The following PCYT2 variants were observed in gnomAD, a reference collection of about 807,000 sequenced individuals.
The protein encoded by PCYT2 is ethanolamine-phosphate cytidylyltransferase.
A neutral mutation model predicts 50.0 loss-of-function variants in PCYT2; 33 were observed. The observed-to-expected ratio is 0.66, with a 90% CI of 0.50 to 0.88. The LOEUF is 0.88. Among genes scored for constraint, PCYT2 ranks in the 40% least tolerant of loss-of-function variants. The pLI, the probability that PCYT2 is intolerant of heterozygous loss-of-function variation, is 0.00. For missense variants in PCYT2, 430 were observed against 519.7 expected, an observed-to-expected ratio of 0.83 and a Z score of 1.68; for synonymous variants, 240 against 203.7, an observed-to-expected ratio of 1.18 and a Z score of -1.52.
chr17:81,909,217 G>A (rs1202570747), intron 2 of PCYT2, 180 bp from the exon 3 acceptor site: 2 of 1,434,688 alleles, frequency 1.4e-6, no homozygotes, highest in East Asian at 2.5e-5. Context: ...CCCTGCGAGG[G>A]TCTCAGGCAA....
chr17:81,909,283 C>G, intron 2 of PCYT2: 8 of 1,429,766 alleles, frequency 5.6e-6, no homozygotes, highest in Non-Finnish European at 7.3e-6. Flanking sequence ...TTGGGAGCCT[C>G]GCTGGCAGTG....
chr17:81,902,163 C>A lies in PCYT2; in HGVS notation c.*2670G>T. ...CGCCCGCTGCACCCCAGCCCGCCCGCCGCCCCTCCCGGCCCTCCGCAGCCT... is the reference window on the plus strand; with the variant it reads ...CGCCCGCTGCACCCCAGCCCGCCCGACGCCCCTCCCGGCCCTCCGCAGCCT... On this transcript the variant is annotated 3_prime_UTR_variant, in exon 13 of 13. Coordinates refer to ENST00000538936, the MANE Select transcript of PCYT2 (RefSeq NM_002861.5). 1 of 1,020,076 alleles carries A rather than the reference C, an allele frequency of 9.8e-7. No individual in the cohort carries two copies. The highest frequency in any genetic ancestry group is 1.2e-6 in the Non-Finnish European group (1 of 808,564). 63.2% of individuals were successfully genotyped at this position (1,020,076 alleles called of 1,614,324 possible). A position where few individuals can be genotyped will look rare whatever the true frequency, so the allele number is the denominator to read the frequency against.
chr17:81,902,888 A>G lies in PCYT2; in HGVS notation c.*1945T>C, dbSNP rs1312807549. Reference sequence around the variant, plus strand: ...CGCAGTTAATGGCAAACGAATAAATAAATGAGGCGGCCTCGGAGTGAGGGG... The same window carrying G: ...CGCAGTTAATGGCAAACGAATAAATGAATGAGGCGGCCTCGGAGTGAGGGG... On this transcript the variant is annotated 3_prime_UTR_variant, in exon 13 of 13. Transcript: ENST00000538936. 5 of 724,688 alleles carry G rather than the reference A, an allele frequency of 6.9e-6. No individual in the cohort carries two copies. The highest frequency in any genetic ancestry group is 1.1e-5 in the Non-Finnish European group (5 of 474,148). The allele number at this position is 724,688 out of a possible 1,614,324, so 44.9% of individuals were successfully genotyped here.
chr17:81,908,511 C>T (rs2040401955), intron 4 of PCYT2, 57 bp downstream of exon 4: 1 of 1,354,914 alleles, frequency 7.4e-7, no homozygotes, highest in East Asian at 2.3e-5. Context: ...AAGCACGAGC[C>T]AGGAGGGAGC....
In PCYT2 at chr17:81,902,398, G is replaced by A; in HGVS notation, c.*2435C>T. 1 of 1,342,782 alleles carries A rather than the reference G, an allele frequency of 7.4e-7. No individual in the cohort carries two copies. The allele number at this position is 1,342,782 out of a possible 1,614,324, so 83.2% of individuals were successfully genotyped here. On this transcript the variant is annotated 3_prime_UTR_variant, in exon 13 of 13. Transcript: ENST00000538936. ...CAGCTCCTACTCGGTGGGCCGCGCC[G>A]CGGGGCTGCTGTCCGGCCTCCGCAG...
chr17:81,910,103 GTC>G (rs987633691), intron 1 of PCYT2, among the ~76,000 whole-genome samples: 2 of 152,334 alleles, frequency 1.3e-5, no homozygotes, highest in South Asian at 2.1e-4. Flanking sequence ...TGAAAATCCT[GTC>G]TCTCCTCCCT....
rs2040200992 is a variant in PCYT2 at position 81,905,400 on chromosome 17, A to G, written c.951T>C (p.Asp317=). The G allele has an allele frequency of 6.4e-7, 1 of 1,562,152 alleles. No homozygotes were observed. Among genetic ancestry groups the G allele is most frequent in the Non-Finnish European group, 8.7e-7 (1 of 1,153,162 alleles). The change falls in exon 11 of 13, where the codon GAT becomes GAC. Residue 317 remains aspartate (D), a synonymous_variant. Coordinates refer to ENST00000538936, the MANE Select transcript of PCYT2 (RefSeq NM_002861.5). ...GACCCACCTGGTATGGGTCGGAGCC[A>G]TCCCTGTCAGGGATAATTTCTGTCT... The part of the protein sequence containing the change: ...HGKTEIIPDR[D]GSDPYQEPKR...
chr17:81,904,792 G>A lies in PCYT2; in HGVS notation c.*41C>T, dbSNP rs1416405976. On this transcript the variant is annotated 3_prime_UTR_variant, in exon 13 of 13. Transcript: ENST00000538936. Reference sequence around the variant, plus strand: ...CCTATGTCCAAACGCAGAAGGCGCAGAAGCAGAGCAGGGGGAGGGCCGGCC... The same window carrying A: ...CCTATGTCCAAACGCAGAAGGCGCAAAAGCAGAGCAGGGGGAGGGCCGGCC... 3 of 1,372,986 alleles carry A rather than the reference G, an allele frequency of 2.2e-6. No homozygotes were observed. The highest frequency in any genetic ancestry group is 2.0e-6 in the Non-Finnish European group (2 of 979,658). The allele number at this position is 1,372,986 out of a possible 1,614,324, so 85.1% of individuals were successfully genotyped here.
At position 81,902,640 on chromosome 17, in the gene PCYT2, C is replaced by T. The variant is rs554383871; in HGVS notation, c.*2193G>A. 11 of 1,600,828 alleles carry T rather than the reference C, an allele frequency of 6.9e-6. No individual in the cohort carries two copies. Among genetic ancestry groups the T allele is most frequent in the African/African-American group, 2.7e-5 (2 of 74,072 alleles). On this transcript the variant is annotated 3_prime_UTR_variant, in exon 13 of 13. Transcript: ENST00000538936. ...CCCAGGCTGTGTGCGTCCAGGACGTCGCCCCAAACCTGCAGAGGTGCGAGC... is the reference window on the plus strand; with the variant it reads ...CCCAGGCTGTGTGCGTCCAGGACGTTGCCCCAAACCTGCAGAGGTGCGAGC...
At chr17:81,907,734 C>G in intron 5 of PCYT2, 39 bp downstream of exon 5, 1 of 1,604,204 alleles carries the variant, frequency 6.2e-7, no homozygotes, top group Non-Finnish European at 8.5e-7. Flanking sequence ...CCCTGGAGAC[C>G]TCGACCCAGG....
chr17:81,906,023 C>A, intron 9 of PCYT2, 77 bp downstream of exon 9: 1 of 1,338,582 alleles, frequency 7.5e-7, no homozygotes, highest in Non-Finnish European at 1.0e-6. Context: ...CCTGCCCTGG[C>A]TCAGGGAGGC....
intron 1 of PCYT2, chr17:81,910,813 G>C (rs1463375350): frequency 2.3e-6 from 2 of 853,912 alleles, no homozygotes; most frequent in Non-Finnish European, 2.8e-6. Context: ...AGGGAAGACC[G>C]ATCGCATTCT....
intron 6 of PCYT2, 46 bp downstream of exon 6, chr17:81,907,508 C>G: frequency 6.4e-7 from 1 of 1,570,482 alleles, no homozygotes; most frequent in Non-Finnish European, 8.7e-7. Context: ...GCCGGGGGAG[C>G]CCCCTGCAGC....
chr17:81,910,904 C>T, intron 1 of PCYT2: 1 of 987,896 alleles, frequency 1.0e-6, no homozygotes. Flanking sequence ...TGCCCACCTA[C>T]AGGGACGCTC....
rs557793462 is a variant in PCYT2, at chr17:81,910,434, G to A, written c.90-832C>T. On this transcript the variant is annotated intron_variant, in intron 1 of 12. Coordinates refer to ENST00000538936, the MANE Select transcript of PCYT2 (RefSeq NM_002861.5). ...TCCCAGCACCCCTGCCACAGTGCGC[G>A]GAGCCCGGCAGACATGCTGGGTAAA... is the stretch of plus-strand genomic sequence containing the variant. Among the ~76,000 whole-genome samples the A allele has an allele frequency of 4.9e-4, 74 of 152,344 alleles. 1 individual carries two copies. In the South Asian group the frequency reaches 0.014, roughly 29 times the overall value.
intron 1 of PCYT2, among the ~76,000 whole-genome samples, chr17:81,910,337 T>C (rs2040517531): frequency 6.6e-6 from 1 of 152,186 alleles, no homozygotes. Flanking sequence ...TGTCCCTGCC[T>C]CTCCAGGGAG....
At position 81,907,778 on chromosome 17, in the gene PCYT2, T is replaced by A; in HGVS notation, c.487A>T (p.Ser163Cys). Residue 163 changes from serine to cysteine, a missense_variant, in exon 5 of 13, where the codon AGC becomes TGC. By Grantham distance (112) the Ser-to-Cys change is moderately radical (BLOSUM62 -1). Transcript: ENST00000538936. ...MLLVTKAHHS[S>C]QEMSSEYREY... The stretch of plus-strand genomic sequence containing the variant: ...GGATTCCGCCGCCGACTCACCTGGC[T>A]GCTGTGATGGGCTTTGGTTACCAGC... The A allele has an allele frequency of 6.2e-7, 1 of 1,613,258 alleles. No individual in the cohort carries two copies. The highest frequency in any genetic ancestry group is 8.5e-7 in the Non-Finnish European group (1 of 1,179,952).
chr17:81,906,068 C>A, intron 9 of PCYT2, 32 bp downstream of exon 9: 2 of 1,580,552 alleles, frequency 1.3e-6, no homozygotes, highest in East Asian at 2.2e-5. Context: ...AATGTCTCCC[C>A]ATCCTTGGGC....
Position 81,904,851 on chromosome 17 carries a change from C to T in PCYT2, c.1152G>A (p.Glu384=), listed in dbSNP as rs2040154242. The T allele has an allele frequency of 3.7e-6, 6 of 1,610,728 alleles. No homozygotes were observed. The highest frequency in any genetic ancestry group is 4.2e-6 in the Non-Finnish European group (5 of 1,178,508). Residue 384 remains glutamate (E), a synonymous_variant, in exon 13 of 13, where the codon GAG becomes GAA. Transcript: ENST00000538936. The part of the protein sequence containing the change: ...ARQQAAQPLG[E]RDGDF ...TGCCAGGTTAGAAGTCACCATCGCG[C>T]TCCCCCAGGGGCTGTGCCGCCTGCT...
Sources: allele counts gnomAD v4.1 joint callset (sites outside exome capture counted in the v4.1 genomes callset), GRCh38; gene constraint gnomAD v4.1.1; transcripts MANE v1.5; gene names NCBI Gene and HGNC (gene_info 2026-07-23, HGNC 2026-07-21).